Variants in LIMS1 observed in about 807,000 individuals in gnomAD.
The protein encoded by LIMS1 is LIM and senescent cell antigen-like-containing domain protein 1.
Under a neutral mutation model 44.1 loss-of-function variants are expected in LIMS1, and 18 were observed. The observed-to-expected ratio is 0.41, with a 90% CI of 0.28 to 0.61. The LOEUF (loss-of-function observed/expected upper bound fraction) is 0.61, where lower values mean the gene tolerates loss of function less well. Among genes scored for constraint, LIMS1 ranks in the 20% least tolerant of loss-of-function variants. The probability of loss-of-function intolerance (pLI) is 0.32; values close to 1 mark genes in which losing one functional copy is unlikely to be tolerated. For synonymous variants in LIMS1, 93 were observed against 149.1 expected, an observed-to-expected ratio of 0.62 and a Z score of 2.74; for missense variants, 201 against 422.0, an observed-to-expected ratio of 0.48 and a Z score of 4.59.
intron 1 of LIMS1, among the ~76,000 whole-genome samples, chr2:108,630,610 A>G (rs1394693217): frequency 1.3e-5 from 2 of 152,232 alleles, no homozygotes; most frequent in Non-Finnish European, 2.9e-5. Flanking sequence ...TGTAACTAAC[A>G]CATTATACTT....
chr2:108,622,477 AT>A (rs1416080122), intron 1 of LIMS1, among the ~76,000 whole-genome samples: 2 of 152,200 alleles, frequency 1.3e-5, no homozygotes, highest in Non-Finnish European at 2.9e-5. Flanking sequence ...TTATTTTAAA[AT>A]TGTTGACTCA....
chr2:108,550,456 G>A lies in LIMS1; in HGVS notation c.32+15862G>A, dbSNP rs759536830. On this transcript the variant is annotated intron_variant, in intron 1 of 9. Transcript: ENST00000544547. ...GGAGCTTGCAGTGAGCCAAGATCACGCCACTGCACTCCAGCCTGGGTGACA... is the reference window on the plus strand; with the variant it reads ...GGAGCTTGCAGTGAGCCAAGATCACACCACTGCACTCCAGCCTGGGTGACA... 2.0e-5 allele frequency among the ~76,000 whole-genome samples: 3 copies of A among 151,352 alleles called. No individual in the cohort carries two copies. In the East Asian group the frequency reaches 5.8e-4, roughly 29 times the overall value.
intron 1 of LIMS1, among the ~76,000 whole-genome samples, chr2:108,548,289 GTT>G (rs57214419): frequency 5.4e-5 from 8 of 146,884 alleles, no homozygotes; most frequent in Non-Finnish European, 9.0e-5. Flanking sequence ...TTTGGGTTTT[GTT>G]TTTTTTTTTT....
At chr2:108,636,145 G>A (rs1689233026) in intron 1 of LIMS1, among the ~76,000 whole-genome samples, 1 of 152,232 alleles carries the variant, frequency 6.6e-6, no homozygotes, top group Admixed American at 6.5e-5. Flanking sequence ...CTGAGTTAGA[G>A]TGCCAAGGGA....
rs1553457936 is a variant in LIMS1, at chr2:108,600,891, T to TTCTTCTTC, written c.33-58708_33-58707insTCTCTTCT. ...TCCACATAAATTTTAGAATTGTTCG[T>TTCTTCTTC]TCTTCTCTTCTCTTCTCTTCTCTTC... On this transcript the variant is annotated intron_variant, in intron 1 of 9. Coordinates refer to ENST00000544547, the Ensembl canonical transcript of LIMS1. Among the ~76,000 whole-genome samples the TTCTTCTTC allele has an allele frequency of 2.1e-4, 19 of 90,944 alleles. No homozygotes were observed. In the East Asian group the frequency reaches 0.029, roughly 139 times the overall value. The allele number at this position is 90,944 out of a possible 152,430, so 59.7% of individuals were successfully genotyped here.
In LIMS1 at chr2:108,670,571, T is replaced by C. The variant is rs570369289; in HGVS notation, c.193-210T>C. On this transcript the variant is annotated intron_variant, in intron 2 of 9. Coordinates refer to ENST00000544547, the Ensembl canonical transcript of LIMS1. Reference sequence around the variant, plus strand: ...TGTAGGTGTACTGTTCACTCTAGCCTCTACTTATTCCATATGTCTTTCCTG... The same window carrying C: ...TGTAGGTGTACTGTTCACTCTAGCCCCTACTTATTCCATATGTCTTTCCTG... Among the ~76,000 whole-genome samples the C allele has an allele frequency of 2.6e-5, 4 of 152,260 alleles. No individual in the cohort carries two copies. In the South Asian group the frequency reaches 8.3e-4, roughly 32 times the overall value.
At chr2:108,624,527 C>T (rs1688448232) in intron 1 of LIMS1, among the ~76,000 whole-genome samples, 1 of 152,080 alleles carries the variant, frequency 6.6e-6, no homozygotes, top group Non-Finnish European at 1.5e-5. Context: ...GAGGCCGAGG[C>T]AGGCGGATCA....
intron 1 of LIMS1, among the ~76,000 whole-genome samples, chr2:108,635,195 C>T (rs826693): frequency 0.34 from 51,577 of 151,908 alleles, 9,402 homozygotes; most frequent in Middle Eastern, 0.51. Context: ...CTTTGGGAGG[C>T]CCAGGCGGGT....
intron 1 of LIMS1, among the ~76,000 whole-genome samples, chr2:108,545,114 A>G (rs568785305): frequency 2.6e-5 from 4 of 152,322 alleles, no homozygotes; most frequent in South Asian, 2.1e-4. Context: ...CTTTTAACAT[A>G]TAAGTATACC....
chr2:108,660,675 C>T (rs1350238658), intron 2 of LIMS1: 4 of 237,340 alleles, frequency 1.7e-5, no homozygotes, highest in Non-Finnish European at 3.4e-5. Flanking sequence ...AGGTGATCCT[C>T]GGCCTCCCAA....
chr2:108,653,063 C>T (rs1054351634), intron 1 of LIMS1, among the ~76,000 whole-genome samples: 6 of 152,182 alleles, frequency 3.9e-5, no homozygotes, highest in African/African-American at 1.4e-4. Flanking sequence ...ATCTGTAGCC[C>T]ACAGCCTTTG....
At chr2:108,566,064 A>C (rs1455928392) in intron 1 of LIMS1, among the ~76,000 whole-genome samples, 1 of 152,006 alleles carries the variant, frequency 6.6e-6, no homozygotes, top group Non-Finnish European at 1.5e-5. Flanking sequence ...TGTCAGTTTC[A>C]TTTTCTGTGT....
intron 1 of LIMS1, among the ~76,000 whole-genome samples, chr2:108,635,093 A>G (rs796989757): frequency 9.2e-5 from 14 of 152,216 alleles, no homozygotes; most frequent in African/African-American, 3.4e-4. Context: ...TCTGGCCCTG[A>G]CTTGAACAAT....
At chr2:108,652,843 T>C (rs1690591849) in intron 1 of LIMS1, among the ~76,000 whole-genome samples, 1 of 152,210 alleles carries the variant, frequency 6.6e-6, no homozygotes, top group Admixed American at 6.5e-5. Context: ...AGCCTGCCTC[T>C]GTCCCCATCC....
At chr2:108,622,784 A>G (rs1369027413) in intron 1 of LIMS1, among the ~76,000 whole-genome samples, 1 of 152,110 alleles carries the variant, frequency 6.6e-6, no homozygotes, top group Non-Finnish European at 1.5e-5. Context: ...GTTACCAAAA[A>G]CAGTTTTAAT....
intron 1 of LIMS1, among the ~76,000 whole-genome samples, chr2:108,598,404 A>G (rs1273163955): frequency 6.6e-6 from 1 of 152,216 alleles, no homozygotes; most frequent in Non-Finnish European, 1.5e-5. Flanking sequence ...GTGACTTTGT[A>G]TAGGCTAGGA....
intron 1 of LIMS1, among the ~76,000 whole-genome samples, chr2:108,650,861 T>C (rs4012000): frequency 4.0e-5 from 6 of 151,206 alleles, no homozygotes; most frequent in African/African-American, 9.7e-5. Context: ...TTTATTTATT[T>C]ATTCATTCAT....
At chr2:108,541,523 C>G (rs910722774) in intron 1 of LIMS1, among the ~76,000 whole-genome samples, 1 of 152,196 alleles carries the variant, frequency 6.6e-6, no homozygotes, top group African/African-American at 2.4e-5. Flanking sequence ...TAAAGAACTA[C>G]TTTGGTCACA....
chr2:108,630,083 A>G (rs1688810137), intron 1 of LIMS1, among the ~76,000 whole-genome samples: 1 of 151,824 alleles, frequency 6.6e-6, no homozygotes, highest in African/African-American at 2.4e-5. Flanking sequence ...AGTCCTGGCA[A>G]CTTGGGAGGC....
Sources: gnomAD v4.1 joint callset for allele counts (sites outside exome capture counted in the v4.1 genomes callset) on GRCh38, gnomAD v4.1.1 for gene constraint, MANE v1.5 for transcripts, NCBI Gene and HGNC (gene_info 2026-07-23, HGNC 2026-07-21) for gene names.